The following SYT7 variants were observed in gnomAD, a reference collection of about 807,000 sequenced individuals.
SYT7 encodes the protein synaptotagmin 7, also known as synaptotagmin-7.
In SYT7, 29 loss-of-function variants were observed where a neutral mutation model predicts 75.1. That is an observed-to-expected ratio of 0.39 (90% CI 0.29 to 0.53). The LOEUF (loss-of-function observed/expected upper bound fraction) is 0.53, where lower values mean the gene tolerates loss of function less well. Among genes scored for constraint, SYT7 ranks in the 20% least tolerant of loss-of-function variants. The pLI is 0.77. For missense variants in SYT7, 693 were observed against 953.2 expected (o/e 0.73, Z 3.59); for synonymous variants, 376 against 401.7 (o/e 0.94, Z 0.76).
rs547163394 is a variant in SYT7, at chr11:61,542,612, G to C, written c.573-33C>G. 1.4e-6 allele frequency: 2 copies of C among 1,460,022 alleles called. No individual in the cohort carries two copies. The highest frequency in any genetic ancestry group is 5.2e-5 in the East Asian group (2 of 38,572). 90.4% of individuals were successfully genotyped at this position (1,460,022 alleles called of 1,614,324 possible). On this transcript the variant is annotated intron_variant, in intron 5 of 12. Transcript: ENST00000539008. The surrounding 1 kb of genome is among the most constrained non-coding windows in gnomAD (Gnocchi z 7.8). ...CAGGTGGAGGAGAGGAGAGAAAGGA[G>C]AAGCAGATGAAGGGATCACAGTGGA...
intron 7 of SYT7, among the ~76,000 whole-genome samples, chr11:61,537,133 C>CT (rs1319690304): frequency 6.6e-6 from 1 of 152,214 alleles, no homozygotes; most frequent in Admixed American, 6.5e-5. Flanking sequence ...AGGCCCCATG[C>CT]TCCCTTGCAG....
intron 5 of SYT7, among the ~76,000 whole-genome samples, chr11:61,543,557 T>C (rs1172537174): frequency 6.6e-6 from 1 of 152,216 alleles, no homozygotes; most frequent in Non-Finnish European, 1.5e-5. Flanking sequence ...TATGGGACTC[T>C]GGAAAAGTGA....
At position 61,546,302 on chromosome 11, in the gene SYT7, G is replaced by C; in HGVS notation, c.348-47C>G. ...CCAGGCCAGAGGGGCACCGGGGGTGGCGGTGGGGGAGAGAGGGCAGGCCAT... is the reference window on the plus strand; with the variant it reads ...CCAGGCCAGAGGGGCACCGGGGGTGCCGGTGGGGGAGAGAGGGCAGGCCAT... On this transcript the variant is annotated intron_variant, in intron 4 of 12. Coordinates refer to ENST00000539008, the MANE Select transcript of SYT7 (RefSeq NM_001365809.2). The surrounding 1 kb of genome is among the most constrained non-coding windows in gnomAD (Gnocchi z 7.6). 7.4e-7 allele frequency: 1 copy of C among 1,344,260 alleles called. No individual in the cohort carries two copies. The highest frequency in any genetic ancestry group is 9.7e-7 in the Non-Finnish European group (1 of 1,032,624). 83.3% of individuals were successfully genotyped at this position (1,344,260 alleles called of 1,614,324 possible). A position where few individuals can be genotyped will look rare whatever the true frequency, so the allele number is the denominator to read the frequency against.
chr11:61,514,092 C>T lies in SYT7; in HGVS notation c.*4535G>A, dbSNP rs1009311028. 1.1e-4 allele frequency among the ~76,000 whole-genome samples: 16 copies of T among 152,082 alleles called. No individual in the cohort carries two copies. The highest frequency in any genetic ancestry group is 2.1e-4 in the South Asian group (1 of 4,810). ...GGGAGCATCTCAGAGCAGGCATGGA[C>T]GAAGACAGACCCAGAGAAGCAAAAA... On this transcript the variant is annotated 3_prime_UTR_variant, in exon 13 of 13. Transcript: ENST00000539008.
intron 9 of SYT7, among the ~76,000 whole-genome samples, chr11:61,526,954 G>A (rs1302753450): frequency 6.6e-6 from 1 of 152,170 alleles, no homozygotes; most frequent in Non-Finnish European, 1.5e-5. Flanking sequence ...TGGGGCAGCT[G>A]GGGTAGGGAT....
intron 8 of SYT7, chr11:61,530,795 C>G: frequency 1.0e-6 from 1 of 985,292 alleles, no homozygotes; most frequent in Non-Finnish European, 1.2e-6. Context: ...AGCTCTATGC[C>G]CACTCCCAGC....
chr11:61,541,358 C>T, intron 6 of SYT7: 1 of 965,976 alleles, frequency 1.0e-6, no homozygotes, highest in Non-Finnish European at 1.2e-6. Context: ...GCAGCCCAGA[C>T]CTGTCTTAGG....
rs1415786331 is a variant in SYT7 at position 61,576,131 on chromosome 11, C to T, written c.31+4659G>A. ...GCACAGTCCAGCCCTTTCCACAAGT[C>T]CCATGCTGTCTGCCAACTCTGTTCC... On this transcript the variant is annotated intron_variant, in intron 1 of 12. Transcript: ENST00000539008. The surrounding 1 kb of genome is among the most constrained non-coding windows in gnomAD (Gnocchi z 4.1). Among the ~76,000 whole-genome samples the T allele has an allele frequency of 1.3e-5, 2 of 152,238 alleles. No homozygotes were observed. Among genetic ancestry groups the T allele is most frequent in the African/African-American group, 4.8e-5 (2 of 41,456 alleles).
upstream of SYT7, among the ~76,000 whole-genome samples, chr11:61,584,462 C>T (rs1000385647): frequency 9.2e-5 from 14 of 152,008 alleles, no homozygotes; most frequent in African/African-American, 3.1e-4. Flanking sequence ...TTTTGAATGC[C>T]TTTATTATTA....
intron 6 of SYT7, 96 bp from the exon 7 acceptor site, chr11:61,538,362 A>AGC (rs1325814313): frequency 2.5e-6 from 2 of 794,020 alleles, no homozygotes; most frequent in African/African-American, 3.5e-5. Context: ...AGAGAGAGAG[A>AGC]GAGAGAGAGA....
chr11:61,587,850 GCAGA>G, the SYT7 span, among the ~76,000 whole-genome samples: 2 of 152,136 alleles, frequency 1.3e-5, no homozygotes, highest in Admixed American at 6.5e-5. Context: ...GCCCGCGTGA[GCAGA>G]CAAATTACCG....
upstream of SYT7, among the ~76,000 whole-genome samples, chr11:61,582,860 G>A (rs1328765345): frequency 6.6e-6 from 1 of 151,120 alleles, no homozygotes; most frequent in Admixed American, 6.6e-5. Context: ...AAGCCAACAG[G>A]CTGGGACTGC....
At chr11:61,554,635 C>T (rs768939576) in intron 2 of SYT7, among the ~76,000 whole-genome samples, 1 of 152,166 alleles carries the variant, frequency 6.6e-6, no homozygotes, top group African/African-American at 2.4e-5. Flanking sequence ...CAAGATGCTC[C>T]GGGCTGCAGG....
intron 1 of SYT7, among the ~76,000 whole-genome samples, chr11:61,577,659 G>T (rs567849608): frequency 6.6e-6 from 1 of 152,338 alleles, no homozygotes; most frequent in African/African-American, 2.4e-5. Context: ...CCCCTGCCCT[G>T]CATGCTCCCA....
At chr11:61,557,772 C>G (rs1012156328) in intron 1 of SYT7, among the ~76,000 whole-genome samples, 18 of 152,262 alleles carry the variant, frequency 1.2e-4, no homozygotes, top group African/African-American at 4.3e-4. Context: ...CCTGGACAAC[C>G]TGCAATCACC....
intron 3 of SYT7, among the ~76,000 whole-genome samples, chr11:61,550,032 C>G (rs540375688): frequency 9.9e-5 from 15 of 152,220 alleles, no homozygotes; most frequent in Admixed American, 5.9e-4. Flanking sequence ...CACGCTCCCC[C>G]ACGTGCTCCC....
At chr11:61,559,732 A>G (rs1399676472) in intron 1 of SYT7, among the ~76,000 whole-genome samples, 1 of 152,036 alleles carries the variant, frequency 6.6e-6, no homozygotes, top group Non-Finnish European at 1.5e-5. Flanking sequence ...CCTTCTCAAA[A>G]ACCATCCTCA....
chr11:61,567,135 G>A (rs1311643245), intron 1 of SYT7, among the ~76,000 whole-genome samples: 1 of 152,152 alleles, frequency 6.6e-6, no homozygotes, highest in Non-Finnish European at 1.5e-5. Flanking sequence ...ATCCAGGGGC[G>A]GGAGAAATGG....
intron 1 of SYT7, among the ~76,000 whole-genome samples, chr11:61,563,597 GGCA>G (rs1247823216): frequency 6.6e-6 from 1 of 152,144 alleles, no homozygotes; most frequent in Non-Finnish European, 1.5e-5. Flanking sequence ...TGAATGTGAT[GGCA>G]TTCTATAATG....
Sources: allele counts gnomAD v4.1 joint callset (sites outside exome capture counted in the v4.1 genomes callset), GRCh38; gene constraint gnomAD v4.1.1; non-coding constraint Gnocchi (gnomAD v3.1); transcripts MANE v1.5; gene names NCBI Gene and HGNC (gene_info 2026-07-23, HGNC 2026-07-21).